The following TTC39B variants were observed in gnomAD, a reference collection of about 807,000 sequenced individuals.
TTC39B encodes tetratricopeptide repeat domain 39B.
A neutral mutation model predicts 96.6 loss-of-function variants in TTC39B; 92 were observed. The observed-to-expected ratio is 0.95, with a 90% CI of 0.80 to 1.13. The LOEUF is 1.13. Ranked by LOEUF, TTC39B falls within the 50% of genes most tolerant of loss-of-function variation. TTC39B has a pLI of 0.00. For synonymous variants in TTC39B, 367 were observed against 299.4 expected (o/e 1.23, Z -2.33); for missense variants, 955 against 809.3 (o/e 1.18, Z -2.18).
rs115442933 is a variant in TTC39B, at chr9:15,275,330, C to T, written c.241-7382G>A. Among the ~76,000 whole-genome samples, 541 of 152,196 alleles carry T rather than the reference C, an allele frequency of 3.6e-3. 2 individuals carry two copies. The highest frequency in any genetic ancestry group is 0.012 in the African/African-American group (501 of 41,544). On this transcript the variant is annotated intron_variant, in intron 1 of 19. Transcript: ENST00000512701. Reference sequence around the variant, plus strand: ...TGCTGGGATTACAGGCATGAGCCAACGCTCCCAGCCAGTTCTGTGTTCCTT... The same window carrying T: ...TGCTGGGATTACAGGCATGAGCCAATGCTCCCAGCCAGTTCTGTGTTCCTT...
At chr9:15,271,537 G>T (rs1431229622) in intron 1 of TTC39B, among the ~76,000 whole-genome samples, 1 of 152,148 alleles carries the variant, frequency 6.6e-6, no homozygotes, top group Non-Finnish European at 1.5e-5. Context: ...TCACTTGCAT[G>T]CACATTTCAC....
intron 8 of TTC39B, 94 bp downstream of exon 8, chr9:15,199,767 A>AAAAAAAAAC (rs1278460734): frequency 2.5e-6 from 1 of 405,960 alleles, no homozygotes; most frequent in Non-Finnish European, 4.6e-6. Context: ...AAAAAAAAAA[A>AAAAAAAAAC]ATCCTAGTCA....
chr9:15,212,717 T>G (rs1469239506), intron 4 of TTC39B, among the ~76,000 whole-genome samples: 2 of 152,146 alleles, frequency 1.3e-5, no homozygotes, highest in African/African-American at 2.4e-5. Context: ...GTGAGCCATT[T>G]AAACACTGAA....
chr9:15,211,575 A>C (rs1047977964), intron 4 of TTC39B, among the ~76,000 whole-genome samples, 178 bp from the exon 5 acceptor site: 1 of 152,230 alleles, frequency 6.6e-6, no homozygotes, highest in African/African-American at 2.4e-5. Flanking sequence ...AGGACTTTCC[A>C]ATGTAAACCC....
At chr9:15,256,747 G>C (rs367967642) in intron 2 of TTC39B, among the ~76,000 whole-genome samples, 1 of 152,132 alleles carries the variant, frequency 6.6e-6, no homozygotes, top group Non-Finnish European at 1.5e-5. Flanking sequence ...GGGCAAACAC[G>C]CTCCAATCCG....
chr9:15,228,498 C>T (rs1012356838), intron 2 of TTC39B, among the ~76,000 whole-genome samples: 4 of 152,052 alleles, frequency 2.6e-5, no homozygotes, highest in Non-Finnish European at 5.9e-5. Context: ...AATTGGGAGG[C>T]CTTCAGCAAA....
intron 1 of TTC39B, among the ~76,000 whole-genome samples, chr9:15,272,528 C>A (rs1304576286): frequency 1.3e-5 from 2 of 152,164 alleles, no homozygotes; most frequent in Non-Finnish European, 2.9e-5. Flanking sequence ...GCTGCATTTG[C>A]CTGCCCTACT....
chr9:15,271,841 G>A (rs1823364943), intron 1 of TTC39B, among the ~76,000 whole-genome samples: 1 of 152,160 alleles, frequency 6.6e-6, no homozygotes. Flanking sequence ...CCTAATTGGT[G>A]GATGAAATAA....
At chr9:15,285,274 G>GAA (rs569294561) in intron 1 of TTC39B, among the ~76,000 whole-genome samples, 59 of 127,880 alleles carry the variant, frequency 4.6e-4, no homozygotes, top group Non-Finnish European at 5.6e-4. Context: ...GTCTCAAAAA[G>GAA]AAAAAAAAAA....
At chr9:15,303,569 G>C (rs1824666918) in intron 1 of TTC39B, among the ~76,000 whole-genome samples, 2 of 151,480 alleles carry the variant, frequency 1.3e-5, no homozygotes, top group African/African-American at 4.8e-5. Context: ...GTAGAGACAG[G>C]GTCTCACTGC....
At chr9:15,240,361 C>T (rs370433020) in intron 2 of TTC39B, among the ~76,000 whole-genome samples, 4 of 152,176 alleles carry the variant, frequency 2.6e-5, no homozygotes, top group Non-Finnish European at 4.4e-5. Context: ...GAGAAACTGG[C>T]GAATAGATAA....
At chr9:15,223,077 G>A (rs1435092176) in intron 3 of TTC39B, among the ~76,000 whole-genome samples, 1 of 152,216 alleles carries the variant, frequency 6.6e-6, no homozygotes, top group Non-Finnish European at 1.5e-5. Flanking sequence ...ACTGTCAAAT[G>A]TCTTAAAGTT....
chr9:15,194,317 T>C (rs1046183494), intron 8 of TTC39B, among the ~76,000 whole-genome samples: 6 of 152,338 alleles, frequency 3.9e-5, no homozygotes, highest in African/African-American at 1.4e-4. Flanking sequence ...ACTTTTTTCG[T>C]CTTAATGATT....
chr9:15,206,968 T>C (rs1304809526), intron 6 of TTC39B, among the ~76,000 whole-genome samples: 1 of 152,222 alleles, frequency 6.6e-6, no homozygotes, highest in Non-Finnish European at 1.5e-5. Context: ...GCTGTTCTCA[T>C]GACAGTGAGT....
intron 4 of TTC39B, among the ~76,000 whole-genome samples, chr9:15,213,016 T>C (rs1048995897): frequency 1.3e-5 from 2 of 152,204 alleles, no homozygotes; most frequent in African/African-American, 2.4e-5. Context: ...AGGTGATGGA[T>C]AACCCAGTTA....
intron 4 of TTC39B, 21 bp from the exon 5 acceptor site, chr9:15,211,418 T>A (rs762329140): frequency 1.0e-5 from 15 of 1,453,912 alleles, no homozygotes; most frequent in African/African-American, 1.5e-5. Context: ...CACAGGGAAT[T>A]CAGACATTTT....
chr9:15,268,594 C>G (rs1171243652), intron 1 of TTC39B, among the ~76,000 whole-genome samples: 1 of 152,160 alleles, frequency 6.6e-6, no homozygotes, highest in Non-Finnish European at 1.5e-5. Context: ...CACTCAAAAA[C>G]TCACACATTC....
chr9:15,249,711 G>A (rs996167139), intron 2 of TTC39B: 11 of 226,594 alleles, frequency 4.9e-5, no homozygotes, highest in Non-Finnish European at 5.8e-5. Flanking sequence ...AAAAAGGTTG[G>A]GGGGAGGGTC....
At chr9:15,219,617 G>A (rs1174002686) in intron 3 of TTC39B, among the ~76,000 whole-genome samples, 1 of 152,082 alleles carries the variant, frequency 6.6e-6, no homozygotes, top group Non-Finnish European at 1.5e-5. Context: ...CCTTATCTCC[G>A]ACACCTCGGA....
Sources: allele counts gnomAD v4.1 joint callset (sites outside exome capture counted in the v4.1 genomes callset), GRCh38; gene constraint gnomAD v4.1.1; transcripts MANE v1.5; gene names NCBI Gene and HGNC (gene_info 2026-07-23, HGNC 2026-07-21).